Variants in MYBPC2 observed in about 807,000 individuals in gnomAD.
MYBPC2 encodes the protein myosin binding protein C2, also known as myosin-binding protein C, fast-type.
MYBPC2 carries 122 observed loss-of-function variants against 137.0 expected under a neutral mutation model. The observed-to-expected ratio is 0.89, with a 90% CI of 0.77 to 1.03. MYBPC2 has a LOEUF of 1.03. MYBPC2 is among the 50% of genes least tolerant of loss of function. MYBPC2 has a pLI of 0.00. For synonymous variants in MYBPC2, 626 were observed against 612.3 expected (o/e 1.02, Z -0.33); for missense variants, 1,500 against 1,534.4 (o/e 0.98, Z 0.37).
In MYBPC2 at chr19:50,439,919, T is replaced by C. The variant is rs1423647097; in HGVS notation, c.573-961T>C. On this transcript the variant is annotated intron_variant, in intron 7 of 27. Transcript: ENST00000357701. ...AACTTTGGTGCTAGGTCTTGTAGGA[T>C]GAAGAGGAGTCTGGGAGGAAGAGAA... 2.6e-5 allele frequency among the ~76,000 whole-genome samples: 4 copies of C among 152,238 alleles called. No homozygotes were observed. The East Asian group carries it at 5.8e-4, about 22-fold the overall frequency.
Position 50,450,953 on chromosome 19 carries a change from T to C in MYBPC2, c.1579+18T>C. 6.4e-7 allele frequency: 1 copy of C among 1,551,840 alleles called. No individual in the cohort carries two copies. The highest frequency in any genetic ancestry group is 8.7e-7 in the Non-Finnish European group (1 of 1,146,302). ...CTTCCTGGGTGAGGATGCCCCTTCC[T>C]CCTTCCCTGGGGGCTGTAGGATCCA... On this transcript the variant is annotated intron_variant, in intron 14 of 27. Transcript: ENST00000357701.
chr19:50,442,407 A>T, intron 9 of MYBPC2, 94 bp downstream of exon 9: 1 of 1,497,958 alleles, frequency 6.7e-7, no homozygotes, highest in Non-Finnish European at 9.0e-7. Flanking sequence ...CAGAAAGGGC[A>T]TATTCACCCC....
Position 50,448,196 on chromosome 19 carries a change from C to T in MYBPC2, c.1307-29C>T, listed in dbSNP as rs1043684066. 45 of 1,598,826 alleles carry T rather than the reference C, an allele frequency of 2.8e-5. No individual in the cohort carries two copies. In the Middle Eastern group the frequency reaches 5.0e-4, roughly 18 times the overall value. Reference sequence around the variant, plus strand: ...GTCTGTGCACTGACTAGAGTAGTGACGGCTCCTTGTCTTTCTCTCCCTGAC... The same window carrying T: ...GTCTGTGCACTGACTAGAGTAGTGATGGCTCCTTGTCTTTCTCTCCCTGAC... On this transcript the variant is annotated intron_variant, in intron 12 of 27. Transcript: ENST00000357701.
intron 26 of MYBPC2, 64 bp downstream of exon 26, chr19:50,462,100 A>G (rs1041459200): frequency 6.7e-6 from 10 of 1,502,546 alleles, no homozygotes; most frequent in Non-Finnish European, 8.9e-6. Flanking sequence ...CATACAATGA[A>G]GCCCACTCCC....
rs2040003611 is a variant in MYBPC2 at position 50,465,115 on chromosome 19, GCT to G, written c.3415+590_3415+591del. ...CACCCTTGGACTCTGGCCCCAGAGA[GCT>G]CTCTCTATCCAGAGCTGCTCTGCCC... On this transcript the variant is annotated intron_variant, in intron 27 of 27. Coordinates refer to ENST00000357701, the MANE Select transcript of MYBPC2 (RefSeq NM_004533.4). This position sits in a 1 kb window ranked among gnomAD's most constrained non-coding sequence, Gnocchi z 4.5. Among the ~76,000 whole-genome samples the G allele has an allele frequency of 6.6e-6, 1 of 152,002 alleles. No homozygotes were observed. The highest frequency in any genetic ancestry group is 2.4e-5 in the African/African-American group (1 of 41,378).
intron 16 of MYBPC2, among the ~76,000 whole-genome samples, chr19:50,453,096 G>A (rs1262743791): frequency 6.6e-6 from 1 of 151,976 alleles, no homozygotes; most frequent in Non-Finnish European, 1.5e-5. Flanking sequence ...CCCTCCAAGA[G>A]CCTTCATTTT....
intron 20 of MYBPC2, 33 bp downstream of exon 20, chr19:50,455,677 T>TGGCTA: frequency 6.2e-7 from 1 of 1,609,162 alleles, no homozygotes; most frequent in African/African-American, 1.3e-5. Context: ...GTGGGGGTGG[T>TGGCTA]GGCTAGCACA....
chr19:50,441,612 C>T (rs537147900), intron 8 of MYBPC2, among the ~76,000 whole-genome samples: 68 of 151,990 alleles, frequency 4.5e-4, no homozygotes, highest in Admixed American at 3.0e-3. Flanking sequence ...GGCTGAGGTG[C>T]GCAGATCACC....
At chr19:50,464,137 G>C in intron 26 of MYBPC2, 2 of 503,212 alleles carry the variant, frequency 4.0e-6, no homozygotes, top group South Asian at 4.3e-5. Context: ...AGAGCAATGG[G>C]AAGACCCCAC....
At chr19:50,450,130 C>G (rs1442390869) in intron 13 of MYBPC2, among the ~76,000 whole-genome samples, 3 of 152,150 alleles carry the variant, frequency 2.0e-5, no homozygotes, top group African/African-American at 7.2e-5. Context: ...GCACTCCAGC[C>G]TAGGTGACAG....
rs1053540193 is a variant in MYBPC2 at position 50,440,984 on chromosome 19, A to T, written c.677A>T (p.Tyr226Phe). The T allele has an allele frequency of 1.2e-6, 2 of 1,613,450 alleles. No homozygotes were observed. Among genetic ancestry groups the T allele is most frequent in the Non-Finnish European group, 1.7e-6 (2 of 1,179,718 alleles). Reference sequence around the variant, plus strand: ...CTGAAAGGGGCAAAGAAGAGCGAGTACGAGAAAATCGCCTTCCAGTATGGC... The same window carrying T: ...CTGAAAGGGGCAAAGAAGAGCGAGTTCGAGAAAATCGCCTTCCAGTATGGC... ...ELLKGAKKSE[Y>F]EKIAFQYGIT... Residue 226 changes from tyrosine (Y) to phenylalanine (F), a missense_variant, in exon 8 of 28, where the codon TAC (tyrosine) becomes TTC (phenylalanine). Transcript: ENST00000357701.
At chr19:50,437,299 A>G (rs1465900099) in intron 5 of MYBPC2, among the ~76,000 whole-genome samples, 174 bp from the exon 6 acceptor site, 1 of 151,990 alleles carries the variant, frequency 6.6e-6, no homozygotes, top group Non-Finnish European at 1.5e-5. Flanking sequence ...TGGGGAAATG[A>G]GTATGAGCTG....
chr19:50,452,508 G>GTATGTATGTATCTATCTATC lies in MYBPC2; in HGVS notation c.1749+508_1749+509insGTATGTATCTATCTATCTAT, dbSNP rs1433850781. ...TGTATGTATGTATGTATGTATGTATGTATCTATCTATCTATCTATCTATCT... is the reference window on the plus strand; with the variant it reads ...TGTATGTATGTATGTATGTATGTATGTATGTATGTATCTATCTATCTATCTATCTATCTATCTATCTATCT... On this transcript the variant is annotated intron_variant, in intron 16 of 27. Transcript: ENST00000357701. Among the ~76,000 whole-genome samples, 219 of 114,742 alleles carry GTATGTATGTATCTATCTATC rather than the reference G, an allele frequency of 1.9e-3. 1 individual carries two copies. The Middle Eastern group carries it at 0.035, about 18-fold the overall frequency. 75.3% of individuals were successfully genotyped at this position (114,742 alleles called of 152,430 possible). A position where few individuals can be genotyped will look rare whatever the true frequency, so the allele number is the denominator to read the frequency against.
At position 50,443,602 on chromosome 19, in the gene MYBPC2, C is replaced by T. The variant is rs201463379; in HGVS notation, c.1011C>T (p.Thr337=). 1.1e-4 allele frequency: 173 copies of T among 1,613,240 alleles called. No homozygotes were observed. The highest frequency in any genetic ancestry group is 1.6e-4 in the Middle Eastern group (1 of 6,082). ...CTGTCAAGGATGAGAAGTGTTTCAC[C>T]GAGCTCTTCGTCAAAGGTGAGGCTG... ...EVAVKDEKCF[T]ELFVKEPPVL... Residue 337 remains threonine (T), a synonymous_variant, in exon 10 of 28, where the codon ACC becomes ACT. Transcript: ENST00000357701.
intron 6 of MYBPC2, 47 bp downstream of exon 6, chr19:50,437,568 C>G: frequency 6.3e-7 from 1 of 1,598,618 alleles, no homozygotes; most frequent in Non-Finnish European, 8.5e-7. Context: ...CCATGGGAGG[C>G]TCTCCCTTGG....
Position 50,458,640 on chromosome 19 carries a change from G to C in MYBPC2, c.2392G>C (p.Val798Leu), listed in dbSNP as rs1173366664. 3.0e-5 allele frequency: 49 copies of C among 1,612,730 alleles called. No individual in the cohort carries two copies. Among genetic ancestry groups the C allele is most frequent in the Non-Finnish European group, 3.6e-5 (43 of 1,179,882 alleles). Residue 798 changes from valine to leucine, a missense_variant, in exon 21 of 28, where the codon GTC (valine) becomes CTC (leucine). Transcript: ENST00000357701. ...TEPVERCGFT[V>L]KNLPTGARIL... ...GCCCGTGGAGCGCTGTGGCTTCACCGTCAAGAATCTCCCGACCGGAGCCAG... is the reference window on the plus strand; with the variant it reads ...GCCCGTGGAGCGCTGTGGCTTCACCCTCAAGAATCTCCCGACCGGAGCCAG...
intron 14 of MYBPC2, among the ~76,000 whole-genome samples, 155 bp from the exon 15 acceptor site, chr19:50,451,125 G>A (rs567155884): frequency 4.5e-4 from 68 of 152,248 alleles, no homozygotes; most frequent in African/African-American, 1.3e-3. Context: ...CCTGCCGCCC[G>A]GGAGGAGGGG....
chr19:50,441,929 T>G (rs2039759811), intron 8 of MYBPC2, among the ~76,000 whole-genome samples: 1 of 152,184 alleles, frequency 6.6e-6, no homozygotes, highest in African/African-American at 2.4e-5. Context: ...TACCTAACAC[T>G]GGCTTGCCCT....
At chr19:50,452,468 GTA>G (rs1386509385) in intron 16 of MYBPC2, among the ~76,000 whole-genome samples, 15 of 119,810 alleles carry the variant, frequency 1.3e-4, no homozygotes, top group African/African-American at 4.4e-4. Context: ...ATGTATCTGT[GTA>G]TGTATGTATG....
Sources: allele counts gnomAD v4.1 joint callset (sites outside exome capture counted in the v4.1 genomes callset), GRCh38; gene constraint gnomAD v4.1.1; non-coding constraint Gnocchi (gnomAD v3.1); transcripts MANE v1.5; gene names NCBI Gene and HGNC (gene_info 2026-07-23, HGNC 2026-07-21).